The following EML4 variants were observed in gnomAD, a reference collection of about 807,000 sequenced individuals.
EML4 encodes EMAP like 4, also known as echinoderm microtubule-associated protein-like 4.
EML4 carries 72 observed loss-of-function variants against 129.0 expected under a neutral mutation model. The ratio of observed to expected loss-of-function variants is 0.56; its 90% CI spans 0.46 to 0.68. The LOEUF is 0.68. Among genes scored for constraint, EML4 ranks in the 30% least tolerant of loss-of-function variants. EML4 has a pLI of 0.00. For missense variants in EML4, 1,363 were observed against 1,190.6 expected, an observed-to-expected ratio of 1.14 and a Z score of -2.13; for synonymous variants, 532 against 405.0, an observed-to-expected ratio of 1.31 and a Z score of -3.77.
chr2:42,248,148 C>T (rs1675532496), intron 2 of EML4, among the ~76,000 whole-genome samples: 3 of 151,702 alleles, frequency 2.0e-5, no homozygotes, highest in South Asian at 2.1e-4. Context: ...AAAACCTTTT[C>T]TTTTTTTTGT....
At chr2:42,262,447 A>G (rs1481269677) in intron 4 of EML4, among the ~76,000 whole-genome samples, 1 of 152,094 alleles carries the variant, frequency 6.6e-6, no homozygotes, top group Non-Finnish European at 1.5e-5. Flanking sequence ...TTCTGATTTC[A>G]CTTGATATCT....
chr2:42,179,018 A>G (rs1670779301), intron 1 of EML4, among the ~76,000 whole-genome samples: 1 of 152,214 alleles, frequency 6.6e-6, no homozygotes, highest in Non-Finnish European at 1.5e-5. Flanking sequence ...CCCCCATATA[A>G]TGCTTATTAC....
chr2:42,213,864 G>T (rs1372193606), intron 1 of EML4, among the ~76,000 whole-genome samples: 1 of 152,140 alleles, frequency 6.6e-6, no homozygotes, highest in Non-Finnish European at 1.5e-5. Flanking sequence ...GGATATTGAT[G>T]ACTTGTTTAG....
intron 11 of EML4, chr2:42,289,161 A>C (rs1667476753): frequency 6.6e-6 from 1 of 152,234 alleles, no homozygotes; most frequent in Non-Finnish European, 1.5e-5. Flanking sequence ...AAAACCTCAA[A>C]CTTTAAAAAA....
intron 9 of EML4, chr2:42,286,029 G>A (rs1667289139): frequency 1.8e-6 from 1 of 564,520 alleles, no homozygotes; most frequent in South Asian, 2.2e-5. Flanking sequence ...ATTAATATGT[G>A]TAATACTTAG....
chr2:42,252,872 C>T (rs1675873663), intron 2 of EML4, among the ~76,000 whole-genome samples: 1 of 152,134 alleles, frequency 6.6e-6, no homozygotes, highest in Non-Finnish European at 1.5e-5. Flanking sequence ...TTTGCACTTC[C>T]ATGATACTCC....
intron 21 of EML4, among the ~76,000 whole-genome samples, chr2:42,326,535 T>C (rs760250440): frequency 1.9e-4 from 28 of 150,302 alleles, no homozygotes; most frequent in Non-Finnish European, 2.8e-4. Flanking sequence ...GTTATTAAAT[T>C]TGGAAAGGCA....
At chr2:42,263,029 C>A in intron 4 of EML4, 149 bp from the exon 5 acceptor site, 1 of 615,844 alleles carries the variant, frequency 1.6e-6, no homozygotes, top group Non-Finnish European at 2.8e-6. Flanking sequence ...AACTCCTTCA[C>A]TCATCCAGGC....
chr2:42,235,237 A>G (rs1414221001), intron 1 of EML4, among the ~76,000 whole-genome samples: 1 of 151,778 alleles, frequency 6.6e-6, no homozygotes, highest in African/African-American at 2.4e-5. Context: ...CAGAGGTTGC[A>G]GTGAGCCGAG....
rs954829889 is a variant in EML4, at chr2:42,332,367, A to G, written c.*2160A>G. The G allele has an allele frequency of 4.7e-6, 1 of 210,914 alleles. No homozygotes were observed. Among genetic ancestry groups the G allele is most frequent in the African/African-American group, 2.3e-5 (1 of 44,008 alleles). 13.1% of individuals were successfully genotyped at this position (210,914 alleles called of 1,614,324 possible). Reference sequence around the variant, plus strand: ...TGTTTAATGGTCAGTTAAATCTGTGATAATGGTTGGAAGTGGGTGGGGTTA... The same window carrying G: ...TGTTTAATGGTCAGTTAAATCTGTGGTAATGGTTGGAAGTGGGTGGGGTTA... On this transcript the variant is annotated 3_prime_UTR_variant, in exon 23 of 23. Coordinates refer to ENST00000318522, the MANE Select transcript of EML4 (RefSeq NM_019063.5).
chr2:42,322,148 A>T (rs1038666950), intron 19 of EML4, among the ~76,000 whole-genome samples: 5 of 152,244 alleles, frequency 3.3e-5, no homozygotes, highest in African/African-American at 1.2e-4. Flanking sequence ...TTATGTTTTT[A>T]TGAAGTTTAC....
intron 17 of EML4, among the ~76,000 whole-genome samples, chr2:42,315,164 A>G (rs1295778806): frequency 1.3e-5 from 2 of 152,098 alleles, no homozygotes; most frequent in East Asian, 3.9e-4. Flanking sequence ...CCTGCCTAAA[A>G]TGTCTGAACA....
intron 2 of EML4, among the ~76,000 whole-genome samples, chr2:42,246,522 G>A (rs1675411619): frequency 1.3e-5 from 2 of 152,174 alleles, no homozygotes; most frequent in Non-Finnish European, 1.5e-5. Flanking sequence ...AGGAGATAGT[G>A]CAGTCAGCCA....
chr2:42,301,640 A>C (rs1249434021), intron 14 of EML4, among the ~76,000 whole-genome samples: 1 of 151,876 alleles, frequency 6.6e-6, no homozygotes, highest in Non-Finnish European at 1.5e-5. Flanking sequence ...ACCAGAGCAA[A>C]TGTCACAAAG....
At chr2:42,296,604 A>G (rs1049273621) in intron 13 of EML4, among the ~76,000 whole-genome samples, 11 of 152,168 alleles carry the variant, frequency 7.2e-5, no homozygotes, top group East Asian at 1.9e-4. Context: ...GCCTTCCCCA[A>G]TAAGCTTTCC....
intron 1 of EML4, among the ~76,000 whole-genome samples, chr2:42,177,418 T>C (rs895071375): frequency 2.0e-5 from 3 of 152,036 alleles, no homozygotes; most frequent in African/African-American, 7.2e-5. Flanking sequence ...CTCAGGAGTT[T>C]GAGACCAGCC....
intron 6 of EML4, among the ~76,000 whole-genome samples, chr2:42,278,089 G>C (rs971204096): frequency 6.6e-6 from 1 of 152,158 alleles, no homozygotes; most frequent in Non-Finnish European, 1.5e-5. Flanking sequence ...TATCATGCCA[G>C]ACAAGTTGGC....
chr2:42,264,103 G>GTTTTTTTTTTTTTT lies in EML4; in HGVS notation c.642-590_642-577dup, dbSNP rs9309080. On this transcript the variant is annotated intron_variant, in intron 5 of 22. Transcript: ENST00000318522. The stretch of plus-strand genomic sequence containing the variant: ...AAGGCTCCCAACTCAAACAATACGT[G>GTTTTTTTTTTTTTT]TTTTTTTTTTTTTTTTTTTTTTTTT... Among the ~76,000 whole-genome samples the GTTTTTTTTTTTTTT allele has an allele frequency of 6.0e-5, 6 of 100,746 alleles. 2 individuals carry two copies. Among genetic ancestry groups the GTTTTTTTTTTTTTT allele is most frequent in the Non-Finnish European group, 5.9e-5 (3 of 51,218 alleles). 66.1% of individuals were successfully genotyped at this position (100,746 alleles called of 152,430 possible).
chr2:42,211,446 A>G (rs79073236), intron 1 of EML4, among the ~76,000 whole-genome samples: 35 of 152,322 alleles, frequency 2.3e-4, no homozygotes, highest in East Asian at 2.1e-3. Flanking sequence ...CTACAGAACA[A>G]TGAATGAGGA....
Sources: allele counts gnomAD v4.1 joint callset (sites outside exome capture counted in the v4.1 genomes callset), GRCh38; gene constraint gnomAD v4.1.1; transcripts MANE v1.5; gene names NCBI Gene and HGNC (gene_info 2026-07-23, HGNC 2026-07-21).